FGF14: variants seen among roughly 807,000 people sequenced by gnomAD.
FGF14 encodes fibroblast growth factor 14.
FGF14 carries 5 observed loss-of-function variants against 25.5 expected under a neutral mutation model. The ratio of observed to expected loss-of-function variants is 0.20; its 90% CI spans 0.10 to 0.41. FGF14 has a LOEUF of 0.41. Ranked by LOEUF, FGF14 falls within the 10% of genes least tolerant of loss-of-function variation. The pLI, the probability that FGF14 is intolerant of heterozygous loss-of-function variation, is 1.00. For missense variants in FGF14, 222 were observed against 320.1 expected (o/e 0.69, Z 2.34); for synonymous variants, 138 against 118.3 (o/e 1.17, Z -1.08).
intron 1 of FGF14, among the ~76,000 whole-genome samples, chr13:102,201,158 A>C (rs185944463): frequency 1.9e-3 from 277 of 148,300 alleles, no homozygotes; most frequent in African/African-American, 6.3e-3. Context: ...CTTTATCAAA[A>C]GTCTCCTCAG....
chr13:102,225,261 CA>C (rs944556366), intron 1 of FGF14, among the ~76,000 whole-genome samples: 2 of 151,910 alleles, frequency 1.3e-5, no homozygotes, highest in Admixed American at 1.3e-4. Context: ...CCTTGAACCC[CA>C]AAAAAATCTT....
intron 3 of FGF14, among the ~76,000 whole-genome samples, chr13:101,790,691 C>A (rs374369506): frequency 6.6e-6 from 1 of 151,934 alleles, no homozygotes; most frequent in Non-Finnish European, 1.5e-5. Flanking sequence ...ATTTTTAATG[C>A]CTTATACCTG....
intron 1 of FGF14, among the ~76,000 whole-genome samples, chr13:102,080,349 G>A (rs2043559448): frequency 1.3e-5 from 2 of 152,142 alleles, no homozygotes; most frequent in African/African-American, 2.4e-5. Context: ...AAAGAACCAG[G>A]GTGGGTGCCG....
intron 1 of FGF14, among the ~76,000 whole-genome samples, chr13:102,082,882 C>T (rs895152912): frequency 1.3e-5 from 2 of 151,778 alleles, no homozygotes; most frequent in East Asian, 3.9e-4. Context: ...GGCGTGAACC[C>T]GGGAGGCGGA....
chr13:102,013,743 A>T (rs116757863), intron 1 of FGF14, among the ~76,000 whole-genome samples: 5,093 of 152,232 alleles, frequency 0.033, 257 homozygotes, highest in African/African-American at 0.12. Context: ...ATATTCCCCT[A>T]CTACCTACTA....
intron 2 of FGF14, among the ~76,000 whole-genome samples, chr13:101,869,512 T>C (rs992115728): frequency 6.6e-6 from 1 of 152,232 alleles, no homozygotes; most frequent in Admixed American, 6.5e-5. Context: ...TAAAAAAACT[T>C]AACATCCCTT....
At chr13:102,284,759 T>C (rs754680872) in intron 1 of FGF14, among the ~76,000 whole-genome samples, 3 of 152,306 alleles carry the variant, frequency 2.0e-5, no homozygotes, top group Non-Finnish European at 4.4e-5. Context: ...ATGGTTTTGA[T>C]GCAGACAATC....
intron 1 of FGF14, among the ~76,000 whole-genome samples, chr13:102,256,493 G>A (rs2141094712): frequency 6.6e-6 from 1 of 152,098 alleles, no homozygotes; most frequent in South Asian, 2.1e-4. Flanking sequence ...GCGAGACCCT[G>A]TCTCAAAAAA....
At chr13:102,232,022 T>C (rs1478082523) in intron 1 of FGF14, among the ~76,000 whole-genome samples, 1 of 152,238 alleles carries the variant, frequency 6.6e-6, no homozygotes, top group Non-Finnish European at 1.5e-5. Flanking sequence ...CTGTGGTTTA[T>C]GTAGGGATTT....
chr13:102,349,584 C>G (rs1206174944), intron 1 of FGF14, among the ~76,000 whole-genome samples: 2 of 152,280 alleles, frequency 1.3e-5, no homozygotes, highest in Middle Eastern at 3.4e-3. Context: ...AATCTGCAAA[C>G]TTTAGCTCCA....
intron 1 of FGF14, chr13:102,045,846 C>A (rs561414797): frequency 6.6e-6 from 1 of 152,494 alleles, no homozygotes; most frequent in African/African-American, 2.4e-5. Context: ...TACTTGGAGG[C>A]ACTACAGCAT....
At chr13:102,058,134 G>GCTA (rs1403544302) in intron 1 of FGF14, among the ~76,000 whole-genome samples, 3 of 152,168 alleles carry the variant, frequency 2.0e-5, no homozygotes, top group Admixed American at 2.0e-4. Flanking sequence ...CTACAGAGAA[G>GCTA]CTAAGGCTTT....
intron 1 of FGF14, among the ~76,000 whole-genome samples, chr13:102,205,975 T>C (rs1594403835): frequency 5.8e-5 from 5 of 85,888 alleles, no homozygotes; most frequent in African/African-American, 1.3e-4. Flanking sequence ...CTCAAGAAGC[T>C]CCCTGTGGTA....
At chr13:101,938,487 T>C (rs2035246289) in intron 1 of FGF14, among the ~76,000 whole-genome samples, 1 of 152,180 alleles carries the variant, frequency 6.6e-6, no homozygotes. Flanking sequence ...TTGATTTAGT[T>C]CCTAATAAAA....
At chr13:102,370,338 A>C (rs1056708563) in intron 1 of FGF14, among the ~76,000 whole-genome samples, 1 of 152,150 alleles carries the variant, frequency 6.6e-6, no homozygotes, top group Non-Finnish European at 1.5e-5. Context: ...AGAACTATAC[A>C]TTATTATATT....
intron 1 of FGF14, among the ~76,000 whole-genome samples, chr13:102,063,813 G>T (rs2042788345): frequency 6.6e-6 from 1 of 152,062 alleles, no homozygotes; most frequent in South Asian, 2.1e-4. Context: ...ATATGCCTAT[G>T]TATTTCCCTA....
At chr13:102,007,826 G>A (rs1015423561) in intron 1 of FGF14, among the ~76,000 whole-genome samples, 5 of 152,178 alleles carry the variant, frequency 3.3e-5, no homozygotes, top group African/African-American at 1.2e-4. Context: ...ATATAATAAT[G>A]AGAAAGCTAT....
At chr13:101,940,431 G>C (rs2035373227) in intron 1 of FGF14, among the ~76,000 whole-genome samples, 2 of 152,178 alleles carry the variant, frequency 1.3e-5, no homozygotes, top group African/African-American at 2.4e-5. Flanking sequence ...AAGGTGAATG[G>C]GAAAGAGTAC....
At chr13:102,247,502 T>A (rs889661720) in intron 1 of FGF14, among the ~76,000 whole-genome samples, 1 of 152,128 alleles carries the variant, frequency 6.6e-6, no homozygotes, top group African/African-American at 2.4e-5. Context: ...TCAATATCAC[T>A]GATCATTAGA....
Sources: allele counts gnomAD v4.1 joint callset (sites outside exome capture counted in the v4.1 genomes callset), GRCh38; gene constraint gnomAD v4.1.1; transcripts MANE v1.5; gene names NCBI Gene and HGNC (gene_info 2026-07-23, HGNC 2026-07-21).